The following GYS1 variants were observed in gnomAD, a reference collection of about 807,000 sequenced individuals.
The protein encoded by GYS1 is glycogen [starch] synthase, muscle.
GYS1 carries 60 observed loss-of-function variants against 89.1 expected under a neutral mutation model. That is an observed-to-expected ratio of 0.67 (90% confidence interval 0.55 to 0.84). The LOEUF (loss-of-function observed/expected upper bound fraction) is 0.84. Ranked by LOEUF, GYS1 falls within the 40% of genes least tolerant of loss-of-function variation. The pLI, the probability that GYS1 is intolerant of heterozygous loss-of-function variation, is 0.00. For missense variants in GYS1, 888 were observed against 1,003.1 expected (o/e 0.89, Z 1.55); for synonymous variants, 366 against 401.7 (o/e 0.91, Z 1.06).
intron 5 of GYS1, among the ~76,000 whole-genome samples, chr19:48,983,810 C>CAAT (rs1398403655): frequency 6.6e-6 from 1 of 152,178 alleles, no homozygotes; most frequent in Non-Finnish European, 1.5e-5. Context: ...TAGCCAATTA[C>CAAT]AGAATTTTAT....
intron 10 of GYS1, 59 bp from the exon 11 acceptor site, chr19:48,974,792 C>T: frequency 8.2e-7 from 1 of 1,220,900 alleles, no homozygotes. Context: ...TCCCTACTTC[C>T]TCATGAGCCA....
rs201548356 is a variant in GYS1, at chr19:48,985,862, G to A, written c.666C>T (p.Asn222=). 8.1e-6 allele frequency: 13 copies of A among 1,613,452 alleles called. No individual in the cohort carries two copies. Among genetic ancestry groups the A allele is most frequent in the Non-Finnish European group, 1.1e-5 (13 of 1,180,026 alleles). ...YLCAGAVDFY[N]NLENFNVDKE... The stretch of plus-strand genomic sequence containing the variant: ...GGTCCCAGCTCACGTTCTCCAGGTT[G>A]TTGTAGAAGTCCACGGCACCGGCAC... Residue 222 remains asparagine (N), a synonymous_variant, in exon 4 of 16, where the codon AAC becomes AAT. Coordinates refer to ENST00000323798, the MANE Select transcript of GYS1 (RefSeq NM_002103.5).
At chr19:48,980,835 C>T (rs2038748898) in intron 8 of GYS1, among the ~76,000 whole-genome samples, 1 of 152,112 alleles carries the variant, frequency 6.6e-6, no homozygotes, top group South Asian at 2.1e-4. Flanking sequence ...CAAAAAAAGG[C>T]TAGGTGTGGT....
At chr19:48,979,346 T>C (rs1272954999) in intron 8 of GYS1, among the ~76,000 whole-genome samples, 1 of 16,908 alleles carries the variant, frequency 5.9e-5, no homozygotes, top group Non-Finnish European at 1.1e-4. Flanking sequence ...CTTTTTTTTT[T>C]TTTTTTTTTT....
intron 12 of GYS1, among the ~76,000 whole-genome samples, chr19:48,972,053 G>A (rs1182163654): frequency 2.6e-5 from 4 of 151,232 alleles, no homozygotes; most frequent in Non-Finnish European, 4.4e-5. Context: ...AAAAAAGGCC[G>A]GGCACGGTGG....
intron 11 of GYS1, 120 bp downstream of exon 11, chr19:48,974,500 G>T: frequency 9.6e-7 from 1 of 1,043,082 alleles, no homozygotes. Context: ...AGAAGCCAGG[G>T]TTCTTTCTAA....
Position 48,993,228 on chromosome 19 carries a change from A to G in GYS1, c.-116T>C, listed in dbSNP as rs2038970658. On this transcript the variant is annotated 5_prime_UTR_variant, in exon 1 of 16. Transcript: ENST00000323798. ...AGCTGGTGCCCGACGGGAAGCTTGC[A>G]AGACGCTCGGCTTCCTATTGCAAGA... is the stretch of plus-strand genomic sequence containing the variant. The G allele has an allele frequency of 2.6e-6, 2 of 764,944 alleles. No homozygotes were observed. Among genetic ancestry groups the G allele is most frequent in the South Asian group, 1.4e-5 (1 of 73,788 alleles). The allele number at this position is 764,944 out of a possible 1,614,324, so 47.4% of individuals were successfully genotyped here. A position where few individuals can be genotyped will look rare whatever the true frequency, so the allele number is the denominator to read the frequency against.
chr19:48,987,387 T>C lies in GYS1; in HGVS notation c.301-2A>G. ...GATCAGCCAGCGCCCGAAATACACC[T>C]GGGATGGGGTTGGGGAGGCACCATA... On this transcript the variant is annotated splice_acceptor_variant, in intron 2 of 15. Transcript: ENST00000323798. LOFTEE classifies it high-confidence loss of function. The C allele has an allele frequency of 6.3e-7, 1 of 1,591,846 alleles. No individual in the cohort carries two copies. The highest frequency in any genetic ancestry group is 8.6e-7 in the Non-Finnish European group (1 of 1,168,154).
chr19:48,970,826 T>C, intron 13 of GYS1, 102 bp downstream of exon 13: 1 of 1,379,062 alleles, frequency 7.3e-7, no homozygotes, highest in African/African-American at 1.4e-5. Context: ...CCCCATTTCC[T>C]GGTGCCCCTG....
chr19:48,987,178 G>A lies in GYS1; in HGVS notation c.492+16C>T, dbSNP rs1046494379. ...GTAGTTTCAGGTATGGGTGGAATGT[G>A]TCAGACGGGGCCTACCTCACCCAGG... On this transcript the variant is annotated intron_variant, in intron 3 of 15. Coordinates refer to ENST00000323798, the MANE Select transcript of GYS1 (RefSeq NM_002103.5). The A allele has an allele frequency of 3.8e-6, 6 of 1,585,586 alleles. No individual in the cohort carries two copies. The African/African-American group carries it at 6.7e-5, about 18-fold the overall frequency.
chr19:48,974,548 G>A (rs1308960832), intron 11 of GYS1, 72 bp downstream of exon 11: 2 of 1,090,714 alleles, frequency 1.8e-6, no homozygotes, highest in African/African-American at 1.5e-5. Flanking sequence ...TAGGGGAATG[G>A]AGTGTGTGAG....
chr19:48,988,073 A>T (rs2038869587), intron 2 of GYS1, among the ~76,000 whole-genome samples: 1 of 152,136 alleles, frequency 6.6e-6, no homozygotes, highest in African/African-American at 2.4e-5. Flanking sequence ...AAGTGCTGGG[A>T]TTACAGGCGT....
chr19:48,975,911 CAAAAAA>C (rs760164673), intron 10 of GYS1, among the ~76,000 whole-genome samples: 7 of 41,362 alleles, frequency 1.7e-4, no homozygotes, highest in African/African-American at 6.2e-4. Flanking sequence ...GACTCCGTCT[CAAAAAA>C]AAAAAAAAAA....
At chr19:48,985,198 C>T (rs935587989) in intron 5 of GYS1, among the ~76,000 whole-genome samples, 2 of 152,120 alleles carry the variant, frequency 1.3e-5, no homozygotes, top group African/African-American at 2.4e-5. Flanking sequence ...GATACAGGCA[C>T]ACACCATGTC....
intron 12 of GYS1, among the ~76,000 whole-genome samples, chr19:48,973,006 T>G (rs982573381): frequency 2.0e-5 from 3 of 152,098 alleles, no homozygotes; most frequent in Admixed American, 6.6e-5. Flanking sequence ...AAATATATAT[T>G]TATGATATAG....
intron 10 of GYS1, among the ~76,000 whole-genome samples, chr19:48,976,783 A>T (rs1346089802): frequency 6.6e-6 from 1 of 151,460 alleles, no homozygotes; most frequent in African/African-American, 2.4e-5. Flanking sequence ...GTGTGTGTGT[A>T]TGTGTCCGCC....
chr19:48,970,853 G>C, intron 13 of GYS1, 75 bp downstream of exon 13: 1 of 1,425,956 alleles, frequency 7.0e-7, no homozygotes, highest in Non-Finnish European at 9.9e-7. Context: ...AAGGGTGCAA[G>C]CTCCTCCTTC....
At chr19:48,987,686 G>T (rs2038863531) in intron 2 of GYS1, among the ~76,000 whole-genome samples, 2 of 152,114 alleles carry the variant, frequency 1.3e-5, no homozygotes, top group Non-Finnish European at 2.9e-5. Flanking sequence ...GCCCAGGCTG[G>T]AGTGCAGTGG....
chr19:48,979,318 CTTTTTCT>C (rs1268682924), intron 8 of GYS1, among the ~76,000 whole-genome samples: 11 of 104,550 alleles, frequency 1.1e-4, no homozygotes, highest in African/African-American at 3.1e-4. Flanking sequence ...TTCTTTGTCT[CTTTTTCT>C]TTTTTCTTTT....
Sources: gnomAD v4.1 joint callset for allele counts (sites outside exome capture counted in the v4.1 genomes callset) on GRCh38, gnomAD v4.1.1 for gene constraint, MANE v1.5 for transcripts, NCBI Gene and HGNC (gene_info 2026-07-23, HGNC 2026-07-21) for gene names.